Variants in NDRG2 observed in about 807,000 individuals in gnomAD.
NDRG2 encodes the protein NDRG family member 2, also known as protein NDRG2.
Under a neutral mutation model 58.2 loss-of-function variants are expected in NDRG2, and 34 were observed. The observed-to-expected ratio is 0.58, with a 90% CI of 0.44 to 0.78. The LOEUF (loss-of-function observed/expected upper bound fraction) is 0.78. NDRG2 is among the 30% of genes least tolerant of loss of function. NDRG2 has a pLI of 0.00. For missense variants in NDRG2, 434 were observed against 471.2 expected, an observed-to-expected ratio of 0.92 and a Z score of 0.73; for synonymous variants, 187 against 175.9, an observed-to-expected ratio of 1.06 and a Z score of -0.50.
intron 1 of NDRG2, among the ~76,000 whole-genome samples, chr14:21,069,240 A>G (rs1281098731): frequency 2.0e-5 from 3 of 152,138 alleles, no homozygotes; most frequent in Non-Finnish European, 4.4e-5. Context: ...TCTCATTCAG[A>G]CACTGTCGGG....
chr14:21,051,106 T>C (rs1885446125), intron 1 of NDRG2, among the ~76,000 whole-genome samples: 1 of 152,250 alleles, frequency 6.6e-6, no homozygotes, highest in South Asian at 2.1e-4. Context: ...TGTGACTTTG[T>C]GTACCCTCTG....
At chr14:21,050,894 T>C (rs922360473) in intron 1 of NDRG2, among the ~76,000 whole-genome samples, 2 of 152,188 alleles carry the variant, frequency 1.3e-5, no homozygotes, top group African/African-American at 4.8e-5. Context: ...GGGTGAAGCA[T>C]ATAGGGGAGC....
chr14:21,043,083 A>G, intron 1 of NDRG2: 1 of 1,614,220 alleles, frequency 6.2e-7, no homozygotes. Flanking sequence ...TGCCAAGCCC[A>G]AGGGCATGAC....
chr14:21,059,563 C>G (rs771476021), intron 1 of NDRG2, among the ~76,000 whole-genome samples: 5 of 152,100 alleles, frequency 3.3e-5, no homozygotes, highest in African/African-American at 4.8e-5. Flanking sequence ...GGCCCAATCT[C>G]TGCTCACTGC....
intron 1 of NDRG2, among the ~76,000 whole-genome samples, chr14:21,059,488 T>G (rs943461974): frequency 1.8e-4 from 26 of 146,722 alleles, no homozygotes; most frequent in African/African-American, 6.8e-4. Context: ...TTTTTGGGTT[T>G]TTTTTTTCTT....
At chr14:21,030,190 T>A (rs933146845), upstream of NDRG2, 1 of 186,362 alleles carries the variant, frequency 5.4e-6, no homozygotes, top group African/African-American at 2.3e-5. Context: ...GGTCATAGAA[T>A]CTTCCCTCTC....
rs139176356 is a variant in NDRG2, at chr14:21,019,551, C to T, written c.716+88G>A. 3.4e-4 allele frequency: 285 copies of T among 845,988 alleles called. 1 individual carries two copies. In the African/African-American group the frequency reaches 4.3e-3, roughly 13 times the overall value. 52.4% of individuals were successfully genotyped at this position (845,988 alleles called of 1,614,324 possible). A position where few individuals can be genotyped will look rare whatever the true frequency, so the allele number is the denominator to read the frequency against. ...CCTTGCACATTGCACACTACCCAGA[C>T]TTCCCTCTCCTCCTCTGTGCCTCCC... On this transcript the variant is annotated intron_variant, in intron 10 of 15. Transcript: ENST00000556147.
rs1884403861 is a variant in NDRG2 at position 21,033,685 on chromosome 14, C to A, written c.25-10364G>T. The stretch of plus-strand genomic sequence containing the variant: ...GTGATCAAAGCCCTGGACATTTTCG[C>A]ACCCACCTGGTCTCTTGGGAGGGGA... On this transcript the variant is annotated intron_variant, in intron 1 of 14. Transcript: ENST00000403829. 7.2e-6 allele frequency: 5 copies of A among 695,048 alleles called. No individual in the cohort carries two copies. The Admixed American group carries it at 1.1e-4, about 15-fold the overall frequency. 43.1% of individuals were successfully genotyped at this position (695,048 alleles called of 1,614,324 possible).
intron 1 of NDRG2, among the ~76,000 whole-genome samples, chr14:21,047,670 C>T (rs927544903): frequency 6.6e-6 from 1 of 152,088 alleles, no homozygotes; most frequent in Non-Finnish European, 1.5e-5. Context: ...AGGATGGTGT[C>T]CAGGGGAGCT....
intron 1 of NDRG2, among the ~76,000 whole-genome samples, chr14:21,047,759 TA>T (rs1885260887): frequency 6.6e-6 from 1 of 152,082 alleles, no homozygotes; most frequent in South Asian, 2.1e-4. Flanking sequence ...GTAAAGAAAG[TA>T]AACCAAGAAC....
At chr14:21,062,948 TAAA>T (rs36072613) in intron 1 of NDRG2, among the ~76,000 whole-genome samples, 9 of 128,140 alleles carry the variant, frequency 7.0e-5, no homozygotes, top group Admixed American at 2.3e-4. Flanking sequence ...ACCTTGTCTC[TAAA>T]AAAAAAAAAA....
intron 1 of NDRG2, among the ~76,000 whole-genome samples, chr14:21,040,906 A>AT (rs796643575): frequency 7.1e-4 from 107 of 151,476 alleles, no homozygotes; most frequent in African/African-American, 2.2e-3. Flanking sequence ...AAGTATACGT[A>AT]TTTTTTTTTA....
Position 21,024,069 on chromosome 14 carries a change from GGGTTCTC to G in NDRG2, c.-53_-47del. On this transcript the variant is annotated 5_prime_UTR_variant, in exon 1 of 16. It removes the in-frame stop codon of an upstream open reading frame in the 5' UTR. Transcript: ENST00000556147. ...CTGGATGCAGTGGGATTAGGGGTCAGGGTTCTCACTCCTTCTGACTCTGGGGTCTGAG... is the reference window on the plus strand; with the variant it reads ...CTGGATGCAGTGGGATTAGGGGTCAGACTCCTTCTGACTCTGGGGTCTGAG... 1.0e-6 allele frequency: 1 copy of G among 985,514 alleles called. No individual in the cohort carries two copies. Among genetic ancestry groups the G allele is most frequent in the Non-Finnish European group, 1.2e-6 (1 of 830,012 alleles). 61.0% of individuals were successfully genotyped at this position (985,514 alleles called of 1,614,324 possible). A position where few individuals can be genotyped will look rare whatever the true frequency, so the allele number is the denominator to read the frequency against.
chr14:21,021,123 T>C (rs1031875144), intron 6 of NDRG2: 3 of 600,994 alleles, frequency 5.0e-6, no homozygotes, highest in Non-Finnish European at 3.1e-6. Flanking sequence ...CACACTGTTT[T>C]CCCATATAGA....
At chr14:21,034,356 C>A in intron 1 of NDRG2, 1 of 1,105,204 alleles carries the variant, frequency 9.0e-7, no homozygotes, top group Non-Finnish European at 1.3e-6. Flanking sequence ...CTGCCACATC[C>A]CAGAGCCTCC....
At chr14:21,030,819 G>T (rs770735508), upstream of NDRG2, 487 of 1,572,620 alleles carry the variant, frequency 3.1e-4, 1 homozygote, top group Non-Finnish European at 2.8e-4. Context: ...CCACGGAAGG[G>T]TTCACGTGGT....
chr14:21,024,765 T>C lies in NDRG2; in HGVS notation c.-742A>G, dbSNP rs1428789128. ...CCCGGAACCCGTCCCTACGAGTCCC[T>C]ACGCAGCCCGTCCGCGTGGAGACTG... On this transcript the variant is annotated 5_prime_UTR_variant, in exon 1 of 16. Transcript: ENST00000556147. 1.0e-6 allele frequency: 1 copy of C among 985,500 alleles called. No homozygotes were observed. Among genetic ancestry groups the C allele is most frequent in the Non-Finnish European group, 1.2e-6 (1 of 830,006 alleles). The allele number at this position is 985,500 out of a possible 1,614,324, so 61.0% of individuals were successfully genotyped here. A position where few individuals can be genotyped will look rare whatever the true frequency, so the allele number is the denominator to read the frequency against.
At chr14:21,067,759 CGT>C (rs1021899790) in intron 1 of NDRG2, among the ~76,000 whole-genome samples, 35 of 80,116 alleles carry the variant, frequency 4.4e-4, no homozygotes, top group African/African-American at 1.7e-3. Flanking sequence ...TGTGTACACA[CGT>C]ACACACACAC....
chr14:21,063,600 T>C (rs76982975), intron 1 of NDRG2, among the ~76,000 whole-genome samples: 10,408 of 152,194 alleles, frequency 0.068, 466 homozygotes, highest in South Asian at 0.18. Flanking sequence ...TTCTGAAGTC[T>C]GGAGGATGGG....
Sources: gnomAD v4.1 joint callset for allele counts (sites outside exome capture counted in the v4.1 genomes callset) on GRCh38, gnomAD v4.1.1 for gene constraint, MANE v1.5 for transcripts, NCBI Gene and HGNC (gene_info 2026-07-23, HGNC 2026-07-21) for gene names.